TRIM24: variants seen among roughly 807,000 people sequenced by gnomAD.
TRIM24 encodes transcription intermediary factor 1-alpha.
In TRIM24, 29 loss-of-function variants were observed where a neutral mutation model predicts 123.9. The ratio of observed to expected loss-of-function variants is 0.23; its 90% CI spans 0.17 to 0.32. TRIM24 has a LOEUF of 0.32. Among genes scored for constraint, TRIM24 ranks in the 10% least tolerant of loss-of-function variants. The pLI is 1.00. For synonymous variants in TRIM24, 456 were observed against 461.1 expected, an observed-to-expected ratio of 0.99 and a Z score of 0.14; for missense variants, 932 against 1,295.3, an observed-to-expected ratio of 0.72 and a Z score of 4.31.
In TRIM24 at chr7:138,583,478, G is replaced by T. The variant is rs538400102; in HGVS notation, c.2794-372G>T. Among the ~76,000 whole-genome samples the T allele has an allele frequency of 5.9e-5, 9 of 152,212 alleles. No individual in the cohort carries two copies. In the East Asian group the frequency reaches 7.7e-4, roughly 13 times the overall value. ...CTACAAAAAATACAAAAATTAGCCG[G>T]CTATGTTAGCGCATGCCTGTAACCC... On this transcript the variant is annotated intron_variant, in intron 17 of 18. Transcript: ENST00000343526.
At chr7:138,555,271 A>G (rs1009489516) in intron 9 of TRIM24, among the ~76,000 whole-genome samples, 1 of 152,140 alleles carries the variant, frequency 6.6e-6, no homozygotes, top group Non-Finnish European at 1.5e-5. Flanking sequence ...TTGTGTGCCT[A>G]TAATTCCTAT....
intron 1 of TRIM24, among the ~76,000 whole-genome samples, chr7:138,492,673 C>T (rs1584697648): frequency 6.6e-6 from 1 of 152,112 alleles, no homozygotes; most frequent in Non-Finnish European, 1.5e-5. Flanking sequence ...ATGGACTGTG[C>T]CAGCCATCAA....
At chr7:138,582,325 GAGGTC>G (rs1353519727) in intron 17 of TRIM24, among the ~76,000 whole-genome samples, 1 of 152,074 alleles carries the variant, frequency 6.6e-6, no homozygotes, top group Non-Finnish European at 1.5e-5. Flanking sequence ...GGCGGATCAC[GAGGTC>G]AGGAGATAGA....
intron 9 of TRIM24, among the ~76,000 whole-genome samples, chr7:138,557,439 G>A (rs1797337598): frequency 6.6e-6 from 1 of 152,158 alleles, no homozygotes; most frequent in Non-Finnish European, 1.5e-5. Context: ...GGTTACAAGA[G>A]TCTCTATGGC....
chr7:138,550,050 A>G (rs1181789113), intron 7 of TRIM24, among the ~76,000 whole-genome samples: 1 of 152,208 alleles, frequency 6.6e-6, no homozygotes, highest in African/African-American at 2.4e-5. Flanking sequence ...TCAAAAAGAA[A>G]AAAGAAAGTA....
chr7:138,537,720 A>G (rs1796921669), intron 6 of TRIM24, among the ~76,000 whole-genome samples: 1 of 152,162 alleles, frequency 6.6e-6, no homozygotes, highest in African/African-American at 2.4e-5. Context: ...GGATGTTGTT[A>G]GTAGTCCATC....
chr7:138,562,688 C>G (rs930548541), intron 9 of TRIM24, among the ~76,000 whole-genome samples: 2 of 152,182 alleles, frequency 1.3e-5, no homozygotes, highest in African/African-American at 4.8e-5. Context: ...TTAGCCAGCC[C>G]GGGTGGGTTA....
chr7:138,505,506 GGTGGTT>G (rs1261625976), intron 2 of TRIM24, among the ~76,000 whole-genome samples: 538 of 50,150 alleles, frequency 0.011, 1 homozygote, highest in African/African-American at 0.022. Context: ...TTTTGGGGGT[GGTGGTT>G]GTTGTTGTTG....
intron 6 of TRIM24, among the ~76,000 whole-genome samples, chr7:138,534,176 T>C (rs1172328533): frequency 6.6e-6 from 1 of 152,190 alleles, no homozygotes; most frequent in Non-Finnish European, 1.5e-5. Flanking sequence ...CCTGGATTCA[T>C]CAATTTTTTT....
chr7:138,526,932 CATAAA>C (rs1380596368), intron 5 of TRIM24, among the ~76,000 whole-genome samples: 1 of 152,080 alleles, frequency 6.6e-6, no homozygotes, highest in East Asian at 1.9e-4. Context: ...AGGTAGCAAT[CATAAA>C]ATAATTAATT....
chr7:138,560,745 A>G (rs536924669), intron 9 of TRIM24, among the ~76,000 whole-genome samples: 1 of 152,252 alleles, frequency 6.6e-6, no homozygotes, highest in South Asian at 2.1e-4. Context: ...GAGAATTTCC[A>G]CCATCGTTCT....
At position 138,460,744 on chromosome 7, in the gene TRIM24, C is replaced by A. The variant is rs371454056; in HGVS notation, c.196C>A (p.Arg66=). The A allele has an allele frequency of 3.2e-5, 50 of 1,577,026 alleles. No homozygotes were observed. The African/African-American group carries it at 6.0e-4, about 19-fold the overall frequency. The change falls in exon 1 of 19, where the codon CGG becomes AGG. Residue 66 remains arginine, a synonymous_variant. Coordinates refer to ENST00000343526, the MANE Select transcript of TRIM24 (RefSeq NM_015905.3). ...CGTGTGCCACCAGAACATCCAGAGCCGGGCGCCCAAGCTGCTGCCCTGCCT... is the reference window on the plus strand; with the variant it reads ...CGTGTGCCACCAGAACATCCAGAGCAGGGCGCCCAAGCTGCTGCCCTGCCT... ...CAVCHQNIQS[R]APKLLPCLHS... is the part of the protein sequence containing the mutation.
intron 1 of TRIM24, among the ~76,000 whole-genome samples, chr7:138,499,300 G>A (rs1795979782): frequency 6.6e-6 from 1 of 152,126 alleles, no homozygotes; most frequent in African/African-American, 2.4e-5. Flanking sequence ...TGTTCACTGT[G>A]TACTGGTTAC....
At chr7:138,535,954 G>A (rs1022723703) in intron 6 of TRIM24, among the ~76,000 whole-genome samples, 32 of 151,878 alleles carry the variant, frequency 2.1e-4, no homozygotes, top group Admixed American at 4.6e-4. Flanking sequence ...TTCTTGCTTC[G>A]TTTCATTCAT....
At chr7:138,483,860 C>T (rs1795586937) in intron 1 of TRIM24, among the ~76,000 whole-genome samples, 1 of 152,054 alleles carries the variant, frequency 6.6e-6, no homozygotes, top group Admixed American at 6.6e-5. Flanking sequence ...AACTGAAACT[C>T]AATATTTAAG....
rs552827394 is a variant in TRIM24 at position 138,479,509 on chromosome 7, C to T, written c.364+18597C>T. Among the ~76,000 whole-genome samples the T allele has an allele frequency of 1.1e-4, 17 of 152,020 alleles. No homozygotes were observed. In the East Asian group the frequency reaches 2.9e-3, roughly 26 times the overall value. On this transcript the variant is annotated intron_variant, in intron 1 of 18. Transcript: ENST00000343526. ...AGCCGTAGACTCCTGAGTAGCTGGG[C>T]GTGTGTCACCATGCCTGAATGAGAC...
In TRIM24 at chr7:138,460,533, C is replaced by A; in HGVS notation, c.-16C>A. 6 of 1,261,902 alleles carry A rather than the reference C, an allele frequency of 4.8e-6. No homozygotes were observed. The highest frequency in any genetic ancestry group is 6.0e-6 in the Non-Finnish European group (6 of 1,008,356). The allele number at this position is 1,261,902 out of a possible 1,614,324, so 78.2% of individuals were successfully genotyped here. ...GACCGCGCTCTCGCTTCCCCGGCGGCGGCAAGGGCAGGACAATGGAGGTGG... is the reference window on the plus strand; with the variant it reads ...GACCGCGCTCTCGCTTCCCCGGCGGAGGCAAGGGCAGGACAATGGAGGTGG... On this transcript the variant is annotated 5_prime_UTR_variant, in exon 1 of 19. Transcript: ENST00000343526.
chr7:138,476,732 A>G (rs1795410337), intron 1 of TRIM24, among the ~76,000 whole-genome samples: 1 of 152,194 alleles, frequency 6.6e-6, no homozygotes, highest in Admixed American at 6.5e-5. Flanking sequence ...ACTGGAAGGG[A>G]ATTTGGTAAT....
intron 2 of TRIM24, among the ~76,000 whole-genome samples, chr7:138,511,354 T>C (rs1796284114): frequency 6.7e-6 from 1 of 150,120 alleles, no homozygotes; most frequent in African/African-American, 2.5e-5. Context: ...CAAGCAGGAG[T>C]GCAATGGCCA....
Sources: allele counts gnomAD v4.1 joint callset (sites outside exome capture counted in the v4.1 genomes callset), GRCh38; gene constraint gnomAD v4.1.1; transcripts MANE v1.5; gene names NCBI Gene and HGNC (gene_info 2026-07-23, HGNC 2026-07-21).